The following SLCO1B1 variants were observed in gnomAD, a reference collection of about 807,000 sequenced individuals.
SLCO1B1 encodes the protein OATP-2.
In SLCO1B1, 81 loss-of-function variants were observed where a neutral mutation model predicts 70.1. The ratio of observed to expected loss-of-function variants is 1.16; its 90% CI spans 0.97 to 1.39. The LOEUF (loss-of-function observed/expected upper bound fraction) is 1.39, where lower values mean the gene tolerates loss of function less well. SLCO1B1 is among the 40% of genes most tolerant of loss of function. The probability of loss-of-function intolerance (pLI) is 0.00; values close to 1 mark genes in which losing one functional copy is unlikely to be tolerated. For synonymous variants in SLCO1B1, 283 were observed against 271.5 expected (o/e 1.04, Z -0.42); for missense variants, 895 against 799.6 (o/e 1.12, Z -1.44).
intron 7 of SLCO1B1, among the ~76,000 whole-genome samples, chr12:21,180,463 T>C (rs1406156704): frequency 6.6e-6 from 1 of 152,188 alleles, no homozygotes; most frequent in Non-Finnish European, 1.5e-5. Context: ...GTGTGCTTAC[T>C]TGCCATCTCT....
At chr12:21,216,502 C>A (rs1223551661) in intron 11 of SLCO1B1, among the ~76,000 whole-genome samples, 3 of 152,174 alleles carry the variant, frequency 2.0e-5, no homozygotes, top group Non-Finnish European at 4.4e-5. Flanking sequence ...ACATTTTCCA[C>A]TTCTGTGCTC....
At chr12:21,174,248 T>G (rs1308217044) in intron 3 of SLCO1B1, among the ~76,000 whole-genome samples, 1 of 152,148 alleles carries the variant, frequency 6.6e-6, no homozygotes, top group East Asian at 1.9e-4. Flanking sequence ...TAAGAATAAA[T>G]AAAGAAACGC....
At chr12:21,145,458 C>T (rs937087870) in intron 2 of SLCO1B1, among the ~76,000 whole-genome samples, 2 of 146,868 alleles carry the variant, frequency 1.4e-5, no homozygotes, top group African/African-American at 2.5e-5. Flanking sequence ...TGCCACTTCA[C>T]CCAGCATTTT....
chr12:21,156,748 A>G (rs1011334114), intron 2 of SLCO1B1, among the ~76,000 whole-genome samples: 1 of 152,178 alleles, frequency 6.6e-6, no homozygotes, highest in Non-Finnish European at 1.5e-5. Flanking sequence ...CAATTTACGC[A>G]TGAGAAAAGT....
chr12:21,157,533 T>C (rs1041975500), intron 2 of SLCO1B1, among the ~76,000 whole-genome samples: 3 of 151,878 alleles, frequency 2.0e-5, no homozygotes, highest in African/African-American at 4.8e-5. Flanking sequence ...TTCTAAGCAA[T>C]TGTACAATTC....
rs76034128 is a variant in SLCO1B1, at chr12:21,229,071, T to C, written c.1865+4232T>C. Among the ~76,000 whole-genome samples, 394 of 152,238 alleles carry C rather than the reference T, an allele frequency of 2.6e-3. 2 individuals carry two copies. The highest frequency in any genetic ancestry group is 8.2e-3 in the African/African-American group (342 of 41,550). ...AGTTAAATTGTTACCTTAAGAATTTTTTAAATAAACTCAATTTTAGAGAGT... is the reference window on the plus strand; with the variant it reads ...AGTTAAATTGTTACCTTAAGAATTTCTTAAATAAACTCAATTTTAGAGAGT... On this transcript the variant is annotated intron_variant, in intron 14 of 14. Coordinates refer to ENST00000256958, the MANE Select transcript of SLCO1B1 (RefSeq NM_006446.5).
At chr12:21,172,110 A>AGG (rs1265497021) in intron 2 of SLCO1B1, among the ~76,000 whole-genome samples, 2 of 152,198 alleles carry the variant, frequency 1.3e-5, no homozygotes, top group Non-Finnish European at 2.9e-5. Flanking sequence ...AGAAATGATT[A>AGG]ATCGATACAT....
chr12:21,197,015 G>T lies in SLCO1B1; in HGVS notation c.797G>T (p.Gly266Val), dbSNP rs779807623. Residue 266 changes from glycine to valine, a missense_variant, in exon 8 of 15, where the codon GGA becomes GTA. Coordinates refer to ENST00000256958, the MANE Select transcript of SLCO1B1 (RefSeq NM_006446.5). ...TGGTGGCTTAATTTCCTTGTGTCTG[G>T]ACTATTCTCCATTATTTCTTCCATA... is the stretch of plus-strand genomic sequence containing the variant. Reference protein sequence around the residue: ...GAWWLNFLVSGLFSIISSIPF... With the variant: ...GAWWLNFLVSVLFSIISSIPF... 3.1e-6 allele frequency: 5 copies of T among 1,613,400 alleles called. No homozygotes were observed. Among genetic ancestry groups the T allele is most frequent in the Non-Finnish European group, 4.2e-6 (5 of 1,179,598 alleles).
At chr12:21,140,736 A>G (rs1221586143) in intron 1 of SLCO1B1, among the ~76,000 whole-genome samples, 1 of 152,062 alleles carries the variant, frequency 6.6e-6, no homozygotes, top group African/African-American at 2.4e-5. Context: ...TGTTTAAGGT[A>G]TGCTACCATT....
chr12:21,207,697 A>G (rs891189544), intron 11 of SLCO1B1, among the ~76,000 whole-genome samples: 1 of 151,892 alleles, frequency 6.6e-6, no homozygotes, highest in Non-Finnish European at 1.5e-5. Context: ...AGTTCTGTTT[A>G]AGTTCTTTGG....
intron 7 of SLCO1B1, among the ~76,000 whole-genome samples, chr12:21,186,292 G>GCTGTAATAATTTCATAGCACCTC (rs1940960895): frequency 6.6e-6 from 1 of 152,038 alleles, no homozygotes; most frequent in East Asian, 1.9e-4. Context: ...ATACGTTACT[G>GCTGTAATAATTTCATAGCACCTC]CTGTAATAAT....
At chr12:21,228,733 C>T (rs1392600709) in intron 14 of SLCO1B1, among the ~76,000 whole-genome samples, 6 of 152,166 alleles carry the variant, frequency 3.9e-5, no homozygotes, top group Admixed American at 1.3e-4. Context: ...AGCGAAGGAA[C>T]AGCTTATTTC....
intron 1 of SLCO1B1, among the ~76,000 whole-genome samples, chr12:21,136,882 A>G (rs533192951): frequency 2.0e-5 from 3 of 152,274 alleles, no homozygotes; most frequent in South Asian, 4.1e-4. Flanking sequence ...GAGGAGCTGC[A>G]TTCCTTTGGA....
At position 21,176,490 on chromosome 12, in the gene SLCO1B1, T is replaced by C. The variant is rs964615; in HGVS notation, c.360-286T>C. ...TAATTACTTTTTAAAAAGGTGAAACTAGGATATTTCATATCTTGACCAAGA... is the reference window on the plus strand; with the variant it reads ...TAATTACTTTTTAAAAAGGTGAAACCAGGATATTTCATATCTTGACCAAGA... On this transcript the variant is annotated intron_variant, in intron 4 of 14. Transcript: ENST00000256958. Among the ~76,000 whole-genome samples the C allele has an allele frequency of 0.89, 135,165 of 152,104 alleles. 60,125 individuals carry two copies. Among genetic ancestry groups the C allele is most frequent in the East Asian group, 1 (5,184 of 5,190 alleles).
chr12:21,183,277 C>A (rs904020992), intron 7 of SLCO1B1, among the ~76,000 whole-genome samples: 2 of 152,188 alleles, frequency 1.3e-5, no homozygotes, highest in African/African-American at 4.8e-5. Flanking sequence ...CTCACTGCAG[C>A]CTCAAGCTCC....
At chr12:21,193,980 A>AG (rs1941061921) in intron 7 of SLCO1B1, among the ~76,000 whole-genome samples, 1 of 152,042 alleles carries the variant, frequency 6.6e-6, no homozygotes, top group East Asian at 1.9e-4. Context: ...TTTAGTAGAG[A>AG]TGGGGTTTCA....
chr12:21,217,066 C>T (rs1262967395), intron 11 of SLCO1B1, 53 bp from the exon 12 acceptor site: 1 of 1,301,314 alleles, frequency 7.7e-7, no homozygotes, highest in Non-Finnish European at 1.1e-6. Flanking sequence ...GTATTTGCAG[C>T]ACTGTTAGGT....
At chr12:21,178,779 ATAG>A in intron 6 of SLCO1B1, 57 bp downstream of exon 6, 1 of 1,493,852 alleles carries the variant, frequency 6.7e-7, no homozygotes, top group Non-Finnish European at 9.3e-7. Flanking sequence ...TACTTTTGAA[ATAG>A]TAGAGTTACT....
chr12:21,162,980 CTA>C (rs1940640233), intron 2 of SLCO1B1, among the ~76,000 whole-genome samples: 1 of 151,976 alleles, frequency 6.6e-6, no homozygotes, highest in Non-Finnish European at 1.5e-5. Context: ...TCTCTTTTAT[CTA>C]TGTTATCAAA....
Sources: allele counts gnomAD v4.1 joint callset (sites outside exome capture counted in the v4.1 genomes callset), GRCh38; gene constraint gnomAD v4.1.1; transcripts MANE v1.5; gene names NCBI Gene and HGNC (gene_info 2026-07-23, HGNC 2026-07-21).